ABR: variants seen among roughly 807,000 people sequenced by gnomAD.
The protein encoded by ABR is active breakpoint cluster region-related protein.
In ABR, 35 loss-of-function variants were observed where a neutral mutation model predicts 107.2. The observed-to-expected ratio is 0.33, with a 90% confidence interval of 0.25 to 0.43. The LOEUF (loss-of-function observed/expected upper bound fraction) is 0.43. Ranked by LOEUF, ABR falls within the 20% of genes least tolerant of loss-of-function variation. The pLI, the probability that ABR is intolerant of heterozygous loss-of-function variation, is 1.00. For synonymous variants in ABR, 498 were observed against 462.0 expected (o/e 1.08, Z -1.00); for missense variants, 815 against 1,115.2 (o/e 0.73, Z 3.83).
chr17:1,129,393 G>A (rs1017147805), intron 1 of ABR, among the ~76,000 whole-genome samples: 22 of 115,036 alleles, frequency 1.9e-4, no homozygotes, highest in African/African-American at 5.9e-4. Flanking sequence ...TTAGCCAGGC[G>A]TGGTGGTTGG....
rs887429610 is a variant in ABR, at chr17:1,027,685, G to A, written c.1792-14521C>T. 6.6e-6 allele frequency among the ~76,000 whole-genome samples: 1 copy of A among 152,038 alleles called. No homozygotes were observed. Among genetic ancestry groups the A allele is most frequent in the South Asian group, 2.1e-4 (1 of 4,796 alleles). ...CAGGAAGAGGTGGGCTGGTGTAGGG[G>A]CCTCCAGCTCTCGGGGGAGGCAGCA... is the stretch of plus-strand genomic sequence containing the variant. On this transcript the variant is annotated intron_variant, in intron 16 of 22. Coordinates refer to ENST00000302538, the MANE Select transcript of ABR (RefSeq NM_021962.5). The surrounding 1 kb of genome is among the most constrained non-coding windows in gnomAD (Gnocchi z 4.7).
At chr17:1,110,004 C>T (rs980112430) in intron 2 of ABR, among the ~76,000 whole-genome samples, 2 of 141,590 alleles carry the variant, frequency 1.4e-5, no homozygotes, top group African/African-American at 5.3e-5. Context: ...TCTGAGCAGC[C>T]TCCCACCTAC....
chr17:1,103,010 G>C (rs867758518), intron 2 of ABR, among the ~76,000 whole-genome samples: 2 of 152,116 alleles, frequency 1.3e-5, no homozygotes, highest in South Asian at 4.2e-4. Flanking sequence ...GAGCCGGGCC[G>C]AGATCCTTTT....
At chr17:1,080,894 G>C (rs983235160) in intron 5 of ABR, among the ~76,000 whole-genome samples, 2 of 152,158 alleles carry the variant, frequency 1.3e-5, no homozygotes, top group African/African-American at 4.8e-5. Context: ...CTGCTGCAGA[G>C]AGGAGCCTAA....
upstream of ABR, among the ~76,000 whole-genome samples, chr17:1,191,138 C>A (rs1215365172): frequency 6.6e-6 from 1 of 152,068 alleles, no homozygotes. Context: ...TCCATGTTCC[C>A]GTCACCAAAA....
chr17:1,082,941 C>T (rs971364232), intron 5 of ABR, among the ~76,000 whole-genome samples: 3 of 151,882 alleles, frequency 2.0e-5, no homozygotes, highest in Non-Finnish European at 2.9e-5. Context: ...CTGGCCAACA[C>T]GGCAAAACCT....
intron 10 of ABR, among the ~76,000 whole-genome samples, chr17:1,061,541 C>G (rs1055219125): frequency 1.4e-4 from 16 of 118,140 alleles, no homozygotes; most frequent in African/African-American, 4.5e-4. Context: ...TGTTTGTTTA[C>G]TAAGTGCCTT....
chr17:1,086,933 C>CT (rs112446325), intron 4 of ABR, among the ~76,000 whole-genome samples: 2,114 of 146,006 alleles, frequency 0.014, 48 homozygotes, highest in African/African-American at 0.048. Flanking sequence ...ATAGCAAGAC[C>CT]TTTTTTTTTT....
intron 16 of ABR, among the ~76,000 whole-genome samples, chr17:1,047,602 G>A (rs576799561): frequency 6.6e-6 from 1 of 152,346 alleles, no homozygotes; most frequent in African/African-American, 2.4e-5. Flanking sequence ...CCGCTCACAG[G>A]CCCAGGTCAG....
At chr17:1,095,192 C>T (rs1050931035) in intron 3 of ABR, among the ~76,000 whole-genome samples, 7 of 152,130 alleles carry the variant, frequency 4.6e-5, no homozygotes, top group Non-Finnish European at 1.0e-4. Flanking sequence ...TCTCAGAAGC[C>T]GCGACGCGCT....
In ABR at chr17:1,006,163, C is replaced by G; in HGVS notation, c.2497G>C (p.Val833Leu). 1 of 1,578,536 alleles carries G rather than the reference C, an allele frequency of 6.3e-7. No homozygotes were observed. The highest frequency in any genetic ancestry group is 8.6e-7 in the Non-Finnish European group (1 of 1,161,710). Residue 833 changes from valine to leucine, a missense_variant, in exon 23 of 23, where the codon GTC (valine) becomes CTC (leucine). Coordinates refer to ENST00000302538, the MANE Select transcript of ABR (RefSeq NM_021962.5). ...WSHDVMAQVQ[V>L]LLYYLQHPPI... is the part of the protein sequence containing the mutation. ...GGGTGCTGCAGGTAGTAGAGGAGGA[C>G]CTGGACCTGTGGGGAGACAGGAAGG... is the stretch of plus-strand genomic sequence containing the variant.
At chr17:1,031,662 T>G in intron 16 of ABR, 2 of 1,256,378 alleles carry the variant, frequency 1.6e-6, no homozygotes, top group Non-Finnish European at 2.0e-6. Context: ...GGGGGGGCGC[T>G]TGCTCCCCGA....
chr17:1,112,806 C>G (rs569183467), intron 2 of ABR, among the ~76,000 whole-genome samples: 15 of 152,306 alleles, frequency 9.8e-5, no homozygotes, highest in African/African-American at 3.6e-4. Context: ...GTCTAAATCT[C>G]AGTCTCCAAT....
intron 1 of ABR, among the ~76,000 whole-genome samples, chr17:1,211,525 T>C (rs1026996019): frequency 7.2e-5 from 11 of 152,278 alleles, no homozygotes; most frequent in African/African-American, 2.6e-4. Context: ...ATTGATTGAT[T>C]ATTCACCGTG....
chr17:1,025,257 T>C lies in ABR; in HGVS notation c.1792-12093A>G, dbSNP rs576445494. Among the ~76,000 whole-genome samples, 174 of 146,326 alleles carry C rather than the reference T, an allele frequency of 1.2e-3. 1 individual carries two copies. Among genetic ancestry groups the C allele is most frequent in the African/African-American group, 4.0e-3 (158 of 39,564 alleles). ...GCTGCAGCGAGCCGAGATCGCGCCA[T>C]TGCACTCCAGCCTGGGCGACACAGC... On this transcript the variant is annotated intron_variant, in intron 16 of 22. Coordinates refer to ENST00000302538, the MANE Select transcript of ABR (RefSeq NM_021962.5).
chr17:1,079,375 C>T lies in ABR; in HGVS notation c.655G>A (p.Gly219Ser). 6.2e-7 allele frequency: 1 copy of T among 1,613,516 alleles called. No individual in the cohort carries two copies. Among genetic ancestry groups the T allele is most frequent in the Non-Finnish European group, 8.5e-7 (1 of 1,179,722 alleles). ...TGGCTGTCCTTGGAGTCCTTGGGAC[C>T]TTTCACTTTGAGTTCCTGCCAAAGG... ...QKISEELKVKGPKDSKDSHTS... is the reference protein window; with the variant it reads ...QKISEELKVKSPKDSKDSHTS... The change falls in exon 6 of 23, where the codon GGT becomes AGT. Residue 219 changes from glycine to serine, a missense_variant. Transcript: ENST00000302538.
At position 1,009,704 on chromosome 17, in the gene ABR, G is replaced by T. The variant is rs1332279418; in HGVS notation, c.2317C>A (p.Leu773Ile). Residue 773 changes from leucine (L) to isoleucine (I), a missense_variant, in exon 21 of 23, where the codon CTC (leucine) becomes ATC (isoleucine). Physicochemically the swap from Leu to Ile is conservative, Grantham distance 5. Around this residue, in one of 5 missense-constraint regions of ABR, gnomAD observed 175 missense variants for 284.3 expected, o/e 0.62. Coordinates refer to ENST00000302538, the MANE Select transcript of ABR (RefSeq NM_021962.5). ...SLPDPNLITF[L>I]FLLEHLKRVA... ...CTTTTCAAGTGTTCCAGCAGGAAGA[G>T]GAAGGTGATGAGGTTGGGGTCGGGC... is the stretch of plus-strand genomic sequence containing the variant. 9 of 1,613,916 alleles carry T rather than the reference G, an allele frequency of 5.6e-6. No homozygotes were observed. The highest frequency in any genetic ancestry group is 5.0e-5 in the Admixed American group (3 of 60,010).
chr17:1,224,743 T>G (rs570645664), intron 1 of ABR, among the ~76,000 whole-genome samples: 1 of 152,140 alleles, frequency 6.6e-6, no homozygotes, highest in Non-Finnish European at 1.5e-5. Context: ...GGCACAATCA[T>G]AGCTCACTGA....
chr17:1,162,105 A>G (rs113566486), intron 1 of ABR, among the ~76,000 whole-genome samples: 5,825 of 152,290 alleles, frequency 0.038, 381 homozygotes, highest in African/African-American at 0.13. Context: ...CACATCCTCC[A>G]GAGGTTAGAG....
Sources: gnomAD v4.1 joint callset for allele counts (sites outside exome capture counted in the v4.1 genomes callset) on GRCh38, gnomAD v4.1.1 for gene constraint, gnomAD v4.1.1 regional missense constraint, Gnocchi (gnomAD v3.1) non-coding constraint, MANE v1.5 for transcripts, NCBI Gene and HGNC (gene_info 2026-07-23, HGNC 2026-07-21) for gene names.